USP3: variants seen among roughly 807,000 people sequenced by gnomAD.
The protein encoded by USP3 is ubiquitin specific peptidase 3.
In USP3, 20 loss-of-function variants were observed where a neutral mutation model predicts 72.3. That is an observed-to-expected ratio of 0.28 (90% CI 0.19 to 0.40). The LOEUF (loss-of-function observed/expected upper bound fraction) is 0.40. Ranked by LOEUF, USP3 falls within the 10% of genes least tolerant of loss-of-function variation. USP3 has a pLI of 1.00. For missense variants in USP3, 479 were observed against 633.9 expected (o/e 0.76, Z 2.62); for synonymous variants, 222 against 225.3 (o/e 0.99, Z 0.13).
intron 3 of USP3, among the ~76,000 whole-genome samples, chr15:63,547,752 G>T (rs1203870580): frequency 6.1e-5 from 3 of 48,944 alleles, no homozygotes; most frequent in African/African-American, 2.3e-4. Flanking sequence ...GAGGGAGGGA[G>T]GGAGGGAGGG....
intron 11 of USP3, among the ~76,000 whole-genome samples, chr15:63,579,746 G>T (rs1042593311): frequency 1.3e-5 from 2 of 152,160 alleles, no homozygotes; most frequent in African/African-American, 4.8e-5. Context: ...TGATAAACTT[G>T]AGACAAATAT....
intron 1 of USP3, among the ~76,000 whole-genome samples, chr15:63,518,488 T>A (rs894976022): frequency 2.0e-5 from 3 of 152,264 alleles, no homozygotes; most frequent in Non-Finnish European, 4.4e-5. Context: ...CCTTGTGTTT[T>A]AGTTTTTAAA....
chr15:63,516,822 A>AT (rs1354670697), intron 1 of USP3, among the ~76,000 whole-genome samples: 1 of 150,680 alleles, frequency 6.6e-6, no homozygotes, highest in Non-Finnish European at 1.5e-5. Flanking sequence ...AAGTGAAGGG[A>AT]TTTTTTTATG....
chr15:63,523,042 CT>C (rs2065939325), intron 1 of USP3, among the ~76,000 whole-genome samples: 4 of 152,080 alleles, frequency 2.6e-5, no homozygotes, highest in Admixed American at 2.6e-4. Context: ...TGCATTTTTC[CT>C]GAAGTATTTT....
rs767075455 is a variant in USP3 at position 63,577,354 on chromosome 15, C to T, written c.1096+2951C>T. Among the ~76,000 whole-genome samples, 7 of 152,232 alleles carry T rather than the reference C, an allele frequency of 4.6e-5. No homozygotes were observed. The South Asian group carries it at 6.2e-4, about 13-fold the overall frequency. ...CCCTAATAGGCCAAATGCCTAGGCA[C>T]AGTGGCTTATGCCTGTAGTCCCAGC... is the stretch of plus-strand genomic sequence containing the variant. On this transcript the variant is annotated intron_variant, in intron 11 of 14. Transcript: ENST00000380324.
chr15:63,558,219 A>C (rs2066543943), intron 6 of USP3, 31 bp downstream of exon 6: 1 of 1,612,464 alleles, frequency 6.2e-7, no homozygotes, highest in Non-Finnish European at 8.5e-7. Context: ...TAAGTGTCTG[A>C]CATTAAAGGT....
intron 11 of USP3, among the ~76,000 whole-genome samples, chr15:63,581,294 C>G (rs1031012322): frequency 4.0e-5 from 6 of 151,046 alleles, no homozygotes; most frequent in South Asian, 2.1e-4. Context: ...GATAGTCTTC[C>G]CCTTAAAGAA....
chr15:63,581,400 T>C (rs899284134), intron 11 of USP3, among the ~76,000 whole-genome samples: 15 of 129,642 alleles, frequency 1.2e-4, no homozygotes, highest in African/African-American at 4.4e-4. Context: ...TGTGTGTGTG[T>C]TTAGATGGAG....
At chr15:63,508,177 A>T (rs1021603694) in intron 1 of USP3, among the ~76,000 whole-genome samples, 3 of 152,186 alleles carry the variant, frequency 2.0e-5, no homozygotes, top group Non-Finnish European at 2.9e-5. Context: ...GGATCCCCTG[A>T]ATGGGTCCTG....
intron 1 of USP3, among the ~76,000 whole-genome samples, chr15:63,522,188 T>G (rs1465796165): frequency 6.6e-6 from 1 of 152,220 alleles, no homozygotes; most frequent in African/African-American, 2.4e-5. Flanking sequence ...CTCAGGCGAT[T>G]AATGACTTCT....
At chr15:63,518,047 G>A (rs547394087) in intron 1 of USP3, among the ~76,000 whole-genome samples, 1 of 152,126 alleles carries the variant, frequency 6.6e-6, no homozygotes, top group Non-Finnish European at 1.5e-5. Flanking sequence ...GTTTAGTTTA[G>A]TGTCCATTTT....
chr15:63,506,482 ACACTT>A (rs1037967562), intron 1 of USP3, among the ~76,000 whole-genome samples: 1 of 152,248 alleles, frequency 6.6e-6, no homozygotes, highest in Non-Finnish European at 1.5e-5. Context: ...GACAATTAGC[ACACTT>A]CTGGCATTTT....
intron 11 of USP3, among the ~76,000 whole-genome samples, chr15:63,579,196 C>T (rs1171951796): frequency 6.6e-6 from 1 of 152,118 alleles, no homozygotes; most frequent in East Asian, 1.9e-4. Context: ...ATAAAAAGAG[C>T]CACATCATAT....
chr15:63,559,899 C>A lies in USP3; in HGVS notation c.576C>A (p.Ala192=). 10 of 1,613,900 alleles carry A rather than the reference C, an allele frequency of 6.2e-6. No individual in the cohort carries two copies. Among genetic ancestry groups the A allele is most frequent in the Non-Finnish European group, 8.5e-6 (10 of 1,179,932 alleles). The change falls in exon 7 of 15, where the codon GCC becomes GCA. Residue 192 remains alanine, a synonymous_variant. Coordinates refer to ENST00000380324, the MANE Select transcript of USP3 (RefSeq NM_006537.4). ...GCTGTTATTTCAAAGAACTGCCCGCCGTGGAGTTAAGGAATGGGAAAACAG... is the reference window on the plus strand; with the variant it reads ...GCTGTTATTTCAAAGAACTGCCCGCAGTGGAGTTAAGGAATGGGAAAACAG... ...QFCCYFKELP[A]VELRNGKTAG...
At chr15:63,515,067 A>G (rs548854905) in intron 1 of USP3, among the ~76,000 whole-genome samples, 3 of 152,350 alleles carry the variant, frequency 2.0e-5, no homozygotes, top group Middle Eastern at 3.4e-3. Flanking sequence ...GGTCTTCCAA[A>G]GGCAAAAATG....
chr15:63,562,833 A>T (rs2066629446), intron 7 of USP3, 62 bp from the exon 8 acceptor site: 2 of 1,073,224 alleles, frequency 1.9e-6, no homozygotes, highest in African/African-American at 3.2e-5. Context: ...AGATGGGTGG[A>T]CGCTGTGTTG....
chr15:63,565,384 A>C (rs1476087383), intron 8 of USP3, among the ~76,000 whole-genome samples: 1 of 152,180 alleles, frequency 6.6e-6, no homozygotes, highest in Non-Finnish European at 1.5e-5. Context: ...ATATGTACTT[A>C]CCACACTTCT....
In USP3 at chr15:63,574,790, G is replaced by GAA. The variant is rs1416875913; in HGVS notation, c.1096+387_1096+388insAA. 1.3e-5 allele frequency among the ~76,000 whole-genome samples: 2 copies of GAA among 152,170 alleles called. No homozygotes were observed. The highest frequency in any genetic ancestry group is 2.9e-5 in the Non-Finnish European group (2 of 68,036). ...GTATTACGTATTCTGTTGCCTAATA[G>GAA]TTTGAGAAATCTATGGATGATACAA... On this transcript the variant is annotated intron_variant, in intron 11 of 14. Coordinates refer to ENST00000380324, the MANE Select transcript of USP3 (RefSeq NM_006537.4). The surrounding 1 kb of genome is among the most constrained non-coding windows in gnomAD (Gnocchi z 4.6).
intron 1 of USP3, chr15:63,530,474 G>A (rs1470141880): frequency 4.6e-5 from 15 of 323,780 alleles, no homozygotes; most frequent in East Asian, 2.3e-4. Context: ...CACCACACCC[G>A]GCTAATTTTT....
Sources: gnomAD v4.1 joint callset for allele counts (sites outside exome capture counted in the v4.1 genomes callset) on GRCh38, gnomAD v4.1.1 for gene constraint, Gnocchi (gnomAD v3.1) non-coding constraint, MANE v1.5 for transcripts, NCBI Gene and HGNC (gene_info 2026-07-23, HGNC 2026-07-21) for gene names.